The following PDE1A variants were observed in gnomAD, a reference collection of about 807,000 sequenced individuals.
The protein encoded by PDE1A is phosphodiesterase 1A.
In PDE1A, 35 loss-of-function variants were observed where a neutral mutation model predicts 61.7. The ratio of observed to expected loss-of-function variants is 0.57; its 90% CI spans 0.43 to 0.75. PDE1A has a LOEUF of 0.75. PDE1A is among the 30% of genes least tolerant of loss of function. The probability of loss-of-function intolerance (pLI) is 0.00; values close to 1 mark genes in which losing one functional copy is unlikely to be tolerated. For missense variants in PDE1A, 597 were observed against 630.6 expected, an observed-to-expected ratio of 0.95 and a Z score of 0.57; for synonymous variants, 232 against 213.2, an observed-to-expected ratio of 1.09 and a Z score of -0.77.
chr2:182,471,074 AT>A (rs1013958392), intron 2 of PDE1A, among the ~76,000 whole-genome samples: 29 of 151,866 alleles, frequency 1.9e-4, no homozygotes, highest in African/African-American at 6.3e-4. Context: ...AGTGAACTAA[AT>A]TTTTTAAGTG....
chr2:182,406,381 A>C (rs1383850149), intron 1 of PDE1A, among the ~76,000 whole-genome samples: 1 of 152,142 alleles, frequency 6.6e-6, no homozygotes, highest in East Asian at 1.9e-4. Context: ...AGTAAAAAAA[A>C]AAAAATGTAG....
At chr2:182,643,508 C>T in the PDE1A span, among the ~76,000 whole-genome samples, 1 of 152,146 alleles carries the variant, frequency 6.6e-6, no homozygotes, top group Admixed American at 6.5e-5. Context: ...TTATACATTG[C>T]ATAACTTTCT....
chr2:182,561,016 C>T, the PDE1A span, among the ~76,000 whole-genome samples: 1 of 148,368 alleles, frequency 6.7e-6, no homozygotes, highest in Non-Finnish European at 1.5e-5. Context: ...TGCCTGTTCA[C>T]TCTGATGGTA....
At chr2:182,600,864 G>C in the PDE1A span, among the ~76,000 whole-genome samples, 1 of 152,150 alleles carries the variant, frequency 6.6e-6, no homozygotes, top group African/African-American at 2.4e-5. Context: ...GTCTTTCCTT[G>C]ATCAATGGCA....
At chr2:182,556,338 G>C in the PDE1A span, among the ~76,000 whole-genome samples, 3 of 152,194 alleles carry the variant, frequency 2.0e-5, no homozygotes, top group Admixed American at 1.3e-4. Flanking sequence ...GAGAGGAAGA[G>C]AGAGCCACAG....
At chr2:182,292,130 A>G (rs1293085478) in intron 1 of PDE1A, among the ~76,000 whole-genome samples, 1 of 152,096 alleles carries the variant, frequency 6.6e-6, no homozygotes, top group East Asian at 1.9e-4. Flanking sequence ...TATTCATATA[A>G]TTGGATATGC....
chr2:182,662,566 T>C, the PDE1A span, among the ~76,000 whole-genome samples: 1 of 151,894 alleles, frequency 6.6e-6, no homozygotes, highest in Non-Finnish European at 1.5e-5. Flanking sequence ...TTTGACAAAG[T>C]TGACAAAAAC....
At chr2:182,257,594 G>C (rs77931777) in intron 2 of PDE1A, among the ~76,000 whole-genome samples, 15,750 of 152,198 alleles carry the variant, frequency 0.1, 1,145 homozygotes, top group East Asian at 0.31. Flanking sequence ...CTCAGGTTCT[G>C]TGTCCTTTAG....
At chr2:182,562,417 G>A in the PDE1A span, among the ~76,000 whole-genome samples, 4 of 149,638 alleles carry the variant, frequency 2.7e-5, no homozygotes, top group Non-Finnish European at 5.9e-5. Context: ...ACTTGATCAT[G>A]GTGGATAAGC....
intron 1 of PDE1A, among the ~76,000 whole-genome samples, chr2:182,325,937 C>T (rs1014823129): frequency 2.0e-5 from 3 of 151,964 alleles, no homozygotes; most frequent in South Asian, 2.1e-4. Flanking sequence ...CAAACAACAA[C>T]GACAAAAACA....
At chr2:182,466,951 G>A (rs954396592) in intron 2 of PDE1A, among the ~76,000 whole-genome samples, 16 of 151,970 alleles carry the variant, frequency 1.1e-4, no homozygotes, top group African/African-American at 2.4e-4. Flanking sequence ...CTTCCCATAC[G>A]GGTATACTAA....
At chr2:182,298,891 C>T (rs868115757) in intron 1 of PDE1A, among the ~76,000 whole-genome samples, 6 of 151,990 alleles carry the variant, frequency 3.9e-5, no homozygotes, top group Middle Eastern at 6.8e-3. Flanking sequence ...TATACAAATA[C>T]ACACACACAT....
the PDE1A span, among the ~76,000 whole-genome samples, chr2:182,695,248 A>T: frequency 6.6e-6 from 1 of 152,136 alleles, no homozygotes; most frequent in Non-Finnish European, 1.5e-5. Context: ...AATTCATAAG[A>T]GAAGAGAGGT....
intron 13 of PDE1A, among the ~76,000 whole-genome samples, chr2:182,180,527 T>A (rs997783527): frequency 6.6e-6 from 1 of 152,166 alleles, no homozygotes; most frequent in African/African-American, 2.4e-5. Context: ...ATTTTTTCCT[T>A]TGTTTCAACC....
chr2:182,505,943 A>C (rs1689383083), intron 2 of PDE1A, among the ~76,000 whole-genome samples: 2 of 152,224 alleles, frequency 1.3e-5, no homozygotes, highest in African/African-American at 4.8e-5. Flanking sequence ...CTAGGAAATG[A>C]AGTATCAAAA....
intron 2 of PDE1A, among the ~76,000 whole-genome samples, chr2:182,437,176 A>C (rs138242033): frequency 0.013 from 1,961 of 152,076 alleles, 27 homozygotes; most frequent in South Asian, 0.047. Flanking sequence ...AAAAGTGGAT[A>C]AACAAAACTT....
chr2:182,184,247 C>G (rs1685024924), intron 13 of PDE1A, among the ~76,000 whole-genome samples: 1 of 106,920 alleles, frequency 9.4e-6, no homozygotes, highest in Non-Finnish European at 1.9e-5. Context: ...CTAGTGAACA[C>G]TAAGTAGAAT....
chr2:182,702,262 C>T, the PDE1A span, among the ~76,000 whole-genome samples: 1 of 152,124 alleles, frequency 6.6e-6, no homozygotes, highest in African/African-American at 2.4e-5. Context: ...TACCACCACA[C>T]CTGGCTAATT....
the PDE1A span, among the ~76,000 whole-genome samples, chr2:182,649,458 A>C: frequency 3.9e-5 from 6 of 152,106 alleles, no homozygotes; most frequent in African/African-American, 1.4e-4. Flanking sequence ...TTGTTCAATC[A>C]TGAAATGATG....
Sources: gnomAD v4.1 joint callset for allele counts (sites outside exome capture counted in the v4.1 genomes callset) on GRCh38, gnomAD v4.1.1 for gene constraint, MANE v1.5 for transcripts, NCBI Gene and HGNC (gene_info 2026-07-23, HGNC 2026-07-21) for gene names.